The following MGLL variants were observed in gnomAD, a reference collection of about 807,000 sequenced individuals.
The protein encoded by MGLL is monoglyceride lipase, also known as lysophospholipase homolog.
MGLL carries 7 observed loss-of-function variants against 29.1 expected under a neutral mutation model. The observed-to-expected ratio is 0.24, with a 90% CI of 0.14 to 0.45. The LOEUF (loss-of-function observed/expected upper bound fraction) is 0.45, where lower values mean the gene tolerates loss of function less well. MGLL is among the 20% of genes least tolerant of loss of function. MGLL has a pLI of 0.99. For synonymous variants in MGLL, 148 were observed against 168.3 expected, an observed-to-expected ratio of 0.88 and a Z score of 0.93; for missense variants, 356 against 413.6, an observed-to-expected ratio of 0.86 and a Z score of 1.21.
intron 3 of MGLL, among the ~76,000 whole-genome samples, chr3:127,742,975 C>T (rs1474937471): frequency 1.3e-5 from 2 of 152,172 alleles, no homozygotes; most frequent in East Asian, 1.9e-4. Context: ...CCACCATGCC[C>T]GTGTAATTTT....
intron 5 of MGLL, among the ~76,000 whole-genome samples, chr3:127,718,374 C>G (rs983990562): frequency 6.6e-6 from 1 of 152,192 alleles, no homozygotes; most frequent in Admixed American, 6.5e-5. Context: ...AGCCCCTCAG[C>G]CCCACCACCA....
intron 6 of MGLL, among the ~76,000 whole-genome samples, chr3:127,696,396 CTTTTTTTTTTTTTTTT>C (rs545853423): frequency 6.9e-4 from 34 of 49,380 alleles, no homozygotes; most frequent in South Asian, 2.8e-3. Context: ...CCTGATGCTT[CTTTTTTTTTTTTTTTT>C]TTTTTTTTTT....
At chr3:127,738,602 G>C (rs905153012) in intron 3 of MGLL, among the ~76,000 whole-genome samples, 4 of 152,156 alleles carry the variant, frequency 2.6e-5, no homozygotes, top group Non-Finnish European at 4.4e-5. Context: ...CCACTCCTTG[G>C]GCCTGCCTGC....
Position 127,707,855 on chromosome 3 carries a change from C to G in MGLL, c.600+2721G>C, listed in dbSNP as rs143404357. ...TTGGGGCGACGCAAGTGAAGAGAGC[C>G]CACTAGCAGTCCTGGGTGGGTTGTG... On this transcript the variant is annotated intron_variant, in intron 6 of 7. Coordinates refer to ENST00000265052, the MANE Select transcript of MGLL (RefSeq NM_007283.7). Among the ~76,000 whole-genome samples the G allele has an allele frequency of 2.6e-3, 397 of 152,342 alleles. 2 individuals carry two copies. The highest frequency in any genetic ancestry group is 4.0e-3 in the Non-Finnish European group (269 of 68,030).
At chr3:127,794,862 A>G (rs1372598454) in intron 2 of MGLL, among the ~76,000 whole-genome samples, 4 of 152,126 alleles carry the variant, frequency 2.6e-5, no homozygotes, top group Admixed American at 6.5e-5. Context: ...AGTCTTTCAG[A>G]TTTCTGTTGA....
At chr3:127,719,135 T>G (rs1297576563) in intron 5 of MGLL, among the ~76,000 whole-genome samples, 1 of 152,180 alleles carries the variant, frequency 6.6e-6, no homozygotes, top group Non-Finnish European at 1.5e-5. Flanking sequence ...TTAGCACAAG[T>G]CTTTGAAAGG....
intron 2 of MGLL, among the ~76,000 whole-genome samples, chr3:127,813,376 C>A (rs888560350): frequency 6.6e-6 from 1 of 152,278 alleles, no homozygotes; most frequent in East Asian, 1.9e-4. Context: ...TTATTAGCAG[C>A]CTCGGCGGGC....
intron 2 of MGLL, among the ~76,000 whole-genome samples, chr3:127,783,048 A>T: frequency 7.1e-6 from 1 of 140,676 alleles, no homozygotes. Context: ...GGTGGCACAC[A>T]CCTGTAATCC....
Position 127,696,179 on chromosome 3 carries a change from C to A in MGLL, c.601-989G>T, listed in dbSNP as rs150540612. On this transcript the variant is annotated intron_variant, in intron 6 of 7. Coordinates refer to ENST00000265052, the MANE Select transcript of MGLL (RefSeq NM_007283.7). ...CGGGATGTGGGTCCTCTCTCCTCAA[C>A]CACCACCCTGTGGATCTTGCCTTTC... 3.3e-4 allele frequency among the ~76,000 whole-genome samples: 50 copies of A among 152,314 alleles called. 1 individual carries two copies. In the East Asian group the frequency reaches 8.9e-3, roughly 27 times the overall value.
intron 3 of MGLL, among the ~76,000 whole-genome samples, chr3:127,763,762 C>G (rs72626380): frequency 1.3e-5 from 2 of 152,092 alleles, no homozygotes; most frequent in African/African-American, 2.4e-5. Context: ...ACTGCCCTCC[C>G]GTCCTCAAAC....
At chr3:127,782,833 T>C (rs2077151281) in intron 2 of MGLL, among the ~76,000 whole-genome samples, 1 of 152,162 alleles carries the variant, frequency 6.6e-6, no homozygotes, top group African/African-American at 2.4e-5. Context: ...ATGCAAGATT[T>C]CTAACTCTCC....
chr3:127,721,383 A>G (rs1303697357), intron 4 of MGLL, among the ~76,000 whole-genome samples: 1 of 152,186 alleles, frequency 6.6e-6, no homozygotes, highest in African/African-American at 2.4e-5. Context: ...CAAACATTTC[A>G]GAGAGATATA....
intron 3 of MGLL, among the ~76,000 whole-genome samples, chr3:127,752,082 TC>T (rs1338921549): frequency 1.3e-5 from 2 of 151,142 alleles, no homozygotes; most frequent in East Asian, 1.9e-4. Flanking sequence ...ACACTCACAC[TC>T]ATGTCTCAGC....
chr3:127,729,611 G>T (rs1231025151), intron 3 of MGLL, among the ~76,000 whole-genome samples: 1 of 152,092 alleles, frequency 6.6e-6, no homozygotes, highest in Non-Finnish European at 1.5e-5. Context: ...GTTTGTAATC[G>T]TCTCAGCAGA....
intron 2 of MGLL, among the ~76,000 whole-genome samples, chr3:127,801,317 AAAAG>A (rs983548031): frequency 3.4e-5 from 5 of 147,452 alleles, no homozygotes; most frequent in African/African-American, 1.3e-4. Context: ...AAAAAAAAAA[AAAAG>A]GAGTGGGGGT....
intron 3 of MGLL, among the ~76,000 whole-genome samples, chr3:127,765,291 T>G (rs373511383): frequency 9.9e-5 from 15 of 152,236 alleles, no homozygotes; most frequent in African/African-American, 3.4e-4. Flanking sequence ...GTCTGTTTTC[T>G]TCTCACCAGG....
chr3:127,757,857 G>A (rs903796449), intron 3 of MGLL, among the ~76,000 whole-genome samples: 14 of 152,224 alleles, frequency 9.2e-5, no homozygotes, highest in Admixed American at 4.6e-4. Flanking sequence ...ATACAGGAGT[G>A]CCGGGAAGAA....
In MGLL at chr3:127,691,308, C is replaced by G. The variant is rs1196870695; in HGVS notation, c.*890G>C. 1 of 152,474 alleles carries G rather than the reference C, an allele frequency of 6.6e-6. No homozygotes were observed. Among genetic ancestry groups the G allele is most frequent in the Admixed American group, 6.5e-5 (1 of 15,288 alleles). The allele number at this position is 152,474 out of a possible 1,614,324, so 9.4% of individuals were successfully genotyped here. On this transcript the variant is annotated 3_prime_UTR_variant, in exon 8 of 8. Transcript: ENST00000265052. The stretch of plus-strand genomic sequence containing the variant: ...CCTGTCCAGTTCTGTACAGTAGCAT[C>G]AAGCTCTGATTCCCTCAAACTCCCC...
chr3:127,704,357 C>T lies in MGLL; in HGVS notation c.600+6219G>A, dbSNP rs141940377. Among the ~76,000 whole-genome samples, 230 of 152,228 alleles carry T rather than the reference C, an allele frequency of 1.5e-3. 1 individual carries two copies. Among genetic ancestry groups the T allele is most frequent in the Middle Eastern group, 3.4e-3 (1 of 294 alleles). On this transcript the variant is annotated intron_variant, in intron 6 of 7. Coordinates refer to ENST00000265052, the MANE Select transcript of MGLL (RefSeq NM_007283.7). ...ATGAAAATGTCAACACCAAGTGCAA[C>T]AAAAACAAAAATTAACAAATGGTAT...
Sources: allele counts gnomAD v4.1 joint callset (sites outside exome capture counted in the v4.1 genomes callset), GRCh38; gene constraint gnomAD v4.1.1; transcripts MANE v1.5; gene names NCBI Gene and HGNC (gene_info 2026-07-23, HGNC 2026-07-21).